The following BCOR variants were observed in gnomAD, a reference collection of about 807,000 sequenced individuals.
The protein encoded by BCOR is BCL-6 corepressor.
Under a neutral mutation model 86.7 loss-of-function variants are expected in BCOR, and 10 were observed. That is an observed-to-expected ratio of 0.12 (90% CI 0.07 to 0.20). The LOEUF (loss-of-function observed/expected upper bound fraction) is 0.20, where lower values mean the gene tolerates loss of function less well. Ranked by LOEUF, BCOR falls within the 10% of genes least tolerant of loss-of-function variation. The pLI is 1.00. For synonymous variants in BCOR, 611 were observed against 609.0 expected, an observed-to-expected ratio of 1.00 and a Z score of -0.05; for missense variants, 1,259 against 1,452.1, an observed-to-expected ratio of 0.87 and a Z score of 2.16.
intron 1 of BCOR, among the ~76,000 whole-genome samples, chrX:40,117,759 G>A (rs1937417581): frequency 9.1e-6 from 1 of 110,413 alleles, no homozygotes; most frequent in Non-Finnish European, 1.9e-5. Context: ...TGTGACCTTG[G>A]GCAAGTCGCT....
Position 40,073,741 on chromosome X carries a change from C to A in BCOR, c.1605G>T (p.Ala535=), listed in dbSNP as rs777739042. The change falls in exon 4 of 15, where the codon GCG becomes GCT. Residue 535 remains alanine (A), a synonymous_variant. Transcript: ENST00000378444. ...ATGATGAACTCCGCTGCTGTGGTAT[C>A]GCCCAGTCCAATGCCTTGTTTTTCA... ...MSLKNKALDW[A]IPQQRSSSCP... 8.2e-7 allele frequency: 1 copy of A among 1,212,686 alleles called. No homozygotes were observed. The highest frequency in any genetic ancestry group is 1.1e-6 in the Non-Finnish European group (1 of 895,724).
At position 40,063,905 on chromosome X, in the gene BCOR, C is replaced by G. The variant is rs1935038864; in HGVS notation, c.3550G>C (p.Glu1184Gln). ...EMTNSSSNHLEDPHYSELTNL... is the reference protein window; with the variant it reads ...EMTNSSSNHLQDPHYSELTNL... Reference sequence around the variant, plus strand: ...GTCAGCTCACTATAATGTGGGTCTTCTAAGTGGTTAGAGGAACTGTTTGTC... The same window carrying G: ...GTCAGCTCACTATAATGTGGGTCTTGTAAGTGGTTAGAGGAACTGTTTGTC... The change falls in exon 8 of 15, where the codon GAA becomes CAA. Residue 1184 changes from glutamate (E) to glutamine (Q), a missense_variant. Physicochemically the swap from Glu to Gln is conservative, Grantham distance 29 (BLOSUM62 2). Transcript: ENST00000378444. 5 of 1,210,194 alleles carry G rather than the reference C, an allele frequency of 4.1e-6. No individual in the cohort carries two copies. In the East Asian group the frequency reaches 1.2e-4, roughly 29 times the overall value.
At chrX:40,136,380 T>C (rs1435234728) in intron 1 of BCOR, among the ~76,000 whole-genome samples, 1 of 111,745 alleles carries the variant, frequency 8.9e-6, no homozygotes, top group Non-Finnish European at 1.9e-5. Flanking sequence ...AGCTTATTGA[T>C]ATATCGCCTG....
At chrX:40,151,577 C>T (rs975742429) in intron 1 of BCOR, among the ~76,000 whole-genome samples, 10 of 112,959 alleles carry the variant, frequency 8.9e-5, no homozygotes, top group African/African-American at 2.9e-4. Flanking sequence ...GGGGTGAACT[C>T]GGAGCCTGAG....
intron 1 of BCOR, among the ~76,000 whole-genome samples, chrX:40,173,759 T>G (rs1938681814): frequency 8.9e-6 from 1 of 112,214 alleles, no homozygotes; most frequent in South Asian, 3.7e-4. Flanking sequence ...TCCAGCCTAC[T>G]CTTCCAGGAC....
chrX:40,136,639 T>C (rs1241382974), intron 1 of BCOR, among the ~76,000 whole-genome samples: 1 of 112,007 alleles, frequency 8.9e-6, no homozygotes. Context: ...ATTGTTTTTG[T>C]TCCTGCTATA....
Position 40,063,018 on chromosome X carries a change from C to T in BCOR, c.3901G>A (p.Ala1301Thr). ...GGCTGAGCCTGCTTTTTGCCGCCTG[C>T]ACTGGTGGATGAAAGACTCTTCATG... The part of the protein sequence containing the change: ...PPMKSLSSTS[A>T]GGKKQAQPSC... The change falls in exon 9 of 15, where the codon GCA (alanine) becomes ACA (threonine). Residue 1301 changes from alanine (A) to threonine (T), a missense_variant. By Grantham distance (58) the Ala-to-Thr change is moderately conservative. Around this residue, in one of 7 missense-constraint regions of BCOR, gnomAD observed 305 missense variants for 286.1 expected, o/e 1.07. Coordinates refer to ENST00000378444, the MANE Select transcript of BCOR (RefSeq NM_001123385.2). The T allele has an allele frequency of 8.5e-7, 1 of 1,171,702 alleles. No individual in the cohort carries two copies. The highest frequency in any genetic ancestry group is 1.8e-5 in the African/African-American group (1 of 55,402).
chrX:40,124,808 T>A (rs2147884014), intron 1 of BCOR, among the ~76,000 whole-genome samples: 1 of 110,253 alleles, frequency 9.1e-6, no homozygotes, highest in East Asian at 2.9e-4. Flanking sequence ...AATTCCTGGG[T>A]TCAAGTGATC....
intron 1 of BCOR, among the ~76,000 whole-genome samples, chrX:40,138,202 T>C (rs944337966): frequency 1.8e-5 from 2 of 112,202 alleles, no homozygotes; most frequent in Non-Finnish European, 3.8e-5. Flanking sequence ...TCCACCCGCC[T>C]TGGCCTCCCA....
chrX:40,128,858 T>C (rs1937573766), intron 1 of BCOR, among the ~76,000 whole-genome samples: 1 of 111,495 alleles, frequency 9.0e-6, no homozygotes, highest in African/African-American at 3.3e-5. Context: ...CGTGCAGATG[T>C]CTATTAGTCA....
rs201651782 is a variant in BCOR, at chrX:40,073,742, G to A, written c.1604C>T (p.Ala535Val). ...TGATGAACTCCGCTGCTGTGGTATC[G>A]CCCAGTCCAATGCCTTGTTTTTCAG... The part of the protein sequence containing the change: ...MSLKNKALDW[A>V]IPQQRSSSCP... Residue 535 changes from alanine to valine, a missense_variant, in exon 4 of 15, where the codon GCG (alanine) becomes GTG (valine). Physicochemically the swap from Ala to Val is moderately conservative, Grantham distance 64. Coordinates refer to ENST00000378444, the MANE Select transcript of BCOR (RefSeq NM_001123385.2). The A allele has an allele frequency of 2.5e-6, 3 of 1,212,466 alleles. No individual in the cohort carries two copies. The highest frequency in any genetic ancestry group is 3.0e-5 in the East Asian group (1 of 33,872).
At chrX:40,171,452 C>T (rs956314839) in intron 1 of BCOR, among the ~76,000 whole-genome samples, 1 of 109,934 alleles carries the variant, frequency 9.1e-6, no homozygotes. Context: ...CTGGATTAGT[C>T]CCGGGTATGG....
At chrX:40,103,933 AAG>A (rs1219509588) in intron 1 of BCOR, among the ~76,000 whole-genome samples, 1 of 110,721 alleles carries the variant, frequency 9.0e-6, no homozygotes, top group Non-Finnish European at 1.9e-5. Context: ...AAAAAAGAAA[AAG>A]AGAAAAAGAA....
At chrX:40,108,385 G>A (rs1267201552) in intron 1 of BCOR, among the ~76,000 whole-genome samples, 1 of 113,464 alleles carries the variant, frequency 8.8e-6, no homozygotes, top group Non-Finnish European at 1.9e-5. Flanking sequence ...TAGCTGGGAG[G>A]GCGCCGGCCG....
intron 1 of BCOR, among the ~76,000 whole-genome samples, chrX:40,123,780 GAGA>G (rs1236045812): frequency 1.9e-5 from 2 of 106,754 alleles, no homozygotes; most frequent in African/African-American, 7.1e-5. Context: ...GCTAGGGGAA[GAGA>G]AGGTTTCCTG....
chrX:40,092,463 GAAAAAA>G (rs1245697893), intron 1 of BCOR, among the ~76,000 whole-genome samples: 1 of 101,804 alleles, frequency 9.8e-6, no homozygotes, highest in Non-Finnish European at 2.0e-5. Context: ...TCCTCCAGAG[GAAAAAA>G]AAAAAAGAAA....
intron 1 of BCOR, among the ~76,000 whole-genome samples, chrX:40,117,405 A>C (rs776636987): frequency 8.9e-6 from 1 of 111,952 alleles, no homozygotes; most frequent in South Asian, 3.7e-4. Context: ...CAGGGAAGGC[A>C]ATTAATAGGA....
chrX:40,072,655 C>G lies in BCOR; in HGVS notation c.2691G>C (p.Ser897=), dbSNP rs3810693. The G allele has an allele frequency of 8.9e-4, 1,083 of 1,210,444 alleles. 12 individuals carry two copies. In the East Asian group the frequency reaches 0.03, roughly 33 times the overall value. The change falls in exon 4 of 15, where the codon TCG becomes TCC. Residue 897 remains serine, a synonymous_variant. Transcript: ENST00000378444. ...CCAGAGGTGGCTCCAGGAATGGAGTCGAGACTGGCAACCCTAGGTTCTCTT... is the reference window on the plus strand; with the variant it reads ...CCAGAGGTGGCTCCAGGAATGGAGTGGAGACTGGCAACCCTAGGTTCTCTT... ...TNKENLGLPV[S]TPFLEPPLGS...
intron 1 of BCOR, among the ~76,000 whole-genome samples, chrX:40,139,367 AAT>A (rs751360179): frequency 3.6e-4 from 18 of 50,586 alleles, no homozygotes; most frequent in African/African-American, 5.5e-4. Context: ...TAAAATTTAA[AAT>A]ATATATATAT....
Sources: gnomAD v4.1 joint callset for allele counts (sites outside exome capture counted in the v4.1 genomes callset) on GRCh38, gnomAD v4.1.1 for gene constraint, gnomAD v4.1.1 regional missense constraint, MANE v1.5 for transcripts, NCBI Gene and HGNC (gene_info 2026-07-23, HGNC 2026-07-21) for gene names.